The following CAMK1D variants were observed in gnomAD, a reference collection of about 807,000 sequenced individuals.
CAMK1D encodes calcium/calmodulin dependent protein kinase ID.
Under a neutral mutation model 47.7 loss-of-function variants are expected in CAMK1D, and 9 were observed. The observed-to-expected ratio is 0.19, with a 90% CI of 0.11 to 0.33. The LOEUF (loss-of-function observed/expected upper bound fraction) is 0.33. Among genes scored for constraint, CAMK1D ranks in the 10% least tolerant of loss-of-function variants. The pLI is 1.00. For missense variants in CAMK1D, 291 were observed against 488.7 expected (o/e 0.60, Z 3.81); for synonymous variants, 184 against 184.9 (o/e 0.99, Z 0.04).
chr10:12,465,820 A>G (rs1254480452), intron 1 of CAMK1D, among the ~76,000 whole-genome samples: 1 of 152,206 alleles, frequency 6.6e-6, no homozygotes, highest in Non-Finnish European at 1.5e-5. Context: ...ATGCAAAGTC[A>G]TCTCTTGAGT....
At chr10:12,578,611 C>G (rs1290005795) in intron 2 of CAMK1D, 1 of 147,482 alleles carries the variant, frequency 6.8e-6, no homozygotes, top group Non-Finnish European at 1.5e-5. Context: ...GATGTAGTCT[C>G]TCTAGTTTGC....
At chr10:12,441,551 A>T (rs1018543716) in intron 1 of CAMK1D, among the ~76,000 whole-genome samples, 31 of 150,640 alleles carry the variant, frequency 2.1e-4, no homozygotes, top group Non-Finnish European at 2.7e-4. Context: ...AAGTCCTCAC[A>T]CCTGTAATCC....
chr10:12,540,320 G>T (rs1202733288), intron 1 of CAMK1D, among the ~76,000 whole-genome samples: 2 of 152,070 alleles, frequency 1.3e-5, no homozygotes, highest in African/African-American at 4.8e-5. Flanking sequence ...GACTCACTTT[G>T]GTTCCATATC....
intron 1 of CAMK1D, among the ~76,000 whole-genome samples, chr10:12,473,668 C>T (rs1232802785): frequency 1.3e-4 from 20 of 152,174 alleles, no homozygotes; most frequent in Admixed American, 1.3e-3. Context: ...GGGGAGTCTA[C>T]ACTGGTGACT....
intron 1 of CAMK1D, among the ~76,000 whole-genome samples, chr10:12,378,310 A>G (rs945514399): frequency 2.0e-5 from 3 of 152,144 alleles, no homozygotes; most frequent in Non-Finnish European, 4.4e-5. Flanking sequence ...GAGGTGGTGC[A>G]ATCATAGCTC....
chr10:12,581,937 G>T (rs1265227641), intron 2 of CAMK1D, among the ~76,000 whole-genome samples: 1 of 152,084 alleles, frequency 6.6e-6, no homozygotes, highest in African/African-American at 2.4e-5. Flanking sequence ...ATTTGCTTTT[G>T]GGTTCTTGCT....
At chr10:12,760,305 CAAAGT>C (rs1346572322) in intron 3 of CAMK1D, among the ~76,000 whole-genome samples, 2 of 152,170 alleles carry the variant, frequency 1.3e-5, no homozygotes, top group African/African-American at 4.8e-5. Context: ...AAAACCAAAG[CAAAGT>C]AATGAAATAT....
chr10:12,448,995 A>G (rs929107117), intron 1 of CAMK1D, among the ~76,000 whole-genome samples: 3 of 152,152 alleles, frequency 2.0e-5, no homozygotes, highest in Non-Finnish European at 4.4e-5. Flanking sequence ...TCTTGTAAAC[A>G]CTTAGAATAG....
At chr10:12,712,297 C>T (rs1833966193) in intron 3 of CAMK1D, among the ~76,000 whole-genome samples, 1 of 152,196 alleles carries the variant, frequency 6.6e-6, no homozygotes, top group Admixed American at 6.5e-5. Context: ...CAGGATGCAG[C>T]CCTGTGTCTA....
chr10:12,654,480 A>G (rs1259379278), intron 2 of CAMK1D, among the ~76,000 whole-genome samples: 1 of 152,238 alleles, frequency 6.6e-6, no homozygotes, highest in Non-Finnish European at 1.5e-5. Context: ...ACAAAAAGTT[A>G]CCAAAAGATT....
At chr10:12,546,170 T>C (rs891579829) in intron 1 of CAMK1D, among the ~76,000 whole-genome samples, 7 of 152,076 alleles carry the variant, frequency 4.6e-5, no homozygotes, top group African/African-American at 1.7e-4. Context: ...GAAGAGTAAT[T>C]TCAGTAACAG....
At chr10:12,405,523 C>T (rs1038758329) in intron 1 of CAMK1D, among the ~76,000 whole-genome samples, 47 of 152,266 alleles carry the variant, frequency 3.1e-4, no homozygotes, top group African/African-American at 1.0e-3. Context: ...CATTACTAAG[C>T]GCCCGTCTTT....
At chr10:12,555,218 C>T (rs1263657119) in intron 2 of CAMK1D, among the ~76,000 whole-genome samples, 2 of 152,198 alleles carry the variant, frequency 1.3e-5, no homozygotes, top group Non-Finnish European at 2.9e-5. Context: ...CTCGCCCACT[C>T]CTCTCTTACT....
intron 1 of CAMK1D, among the ~76,000 whole-genome samples, chr10:12,488,348 G>A (rs1378817691): frequency 5.9e-5 from 9 of 152,092 alleles, no homozygotes; most frequent in Non-Finnish European, 1.3e-4. Context: ...CTTCTGCAGG[G>A]CACAAAATGA....
Position 12,807,950 on chromosome 10 carries a change from C to T in CAMK1D, c.642-6245C>T, listed in dbSNP as rs141502220. ...GGCTTCCTTCTACCTGCAAGATAGA[C>T]CACCCACCTTAGGGTGGGGAATACA... On this transcript the variant is annotated intron_variant, in intron 6 of 10. Transcript: ENST00000619168. 2.3e-3 allele frequency among the ~76,000 whole-genome samples: 345 copies of T among 152,354 alleles called. 2 individuals carry two copies. The highest frequency in any genetic ancestry group is 5.6e-3 in the Admixed American group (85 of 15,304).
intron 2 of CAMK1D, among the ~76,000 whole-genome samples, chr10:12,643,160 C>A (rs1010979231): frequency 1.3e-5 from 2 of 152,154 alleles, no homozygotes; most frequent in Non-Finnish European, 2.9e-5. Flanking sequence ...CCCCACCACA[C>A]CTGGCTAATT....
chr10:12,386,021 C>T (rs919974997), intron 1 of CAMK1D, among the ~76,000 whole-genome samples: 1 of 152,212 alleles, frequency 6.6e-6, no homozygotes, highest in Admixed American at 6.5e-5. Flanking sequence ...GCTGGGATTA[C>T]AGGCGTGAGC....
intron 2 of CAMK1D, among the ~76,000 whole-genome samples, chr10:12,560,780 A>C (rs1836915349): frequency 6.6e-6 from 1 of 152,096 alleles, no homozygotes; most frequent in African/African-American, 2.4e-5. Context: ...TGGAGAACAC[A>C]AGCAGGAAAT....
chr10:12,521,519 G>A (rs1008400873), intron 1 of CAMK1D, among the ~76,000 whole-genome samples: 11 of 152,106 alleles, frequency 7.2e-5, no homozygotes, highest in Non-Finnish European at 1.0e-4. Flanking sequence ...ATTTATATAT[G>A]TAGTATATCT....
Sources: gnomAD v4.1 joint callset for allele counts (sites outside exome capture counted in the v4.1 genomes callset) on GRCh38, gnomAD v4.1.1 for gene constraint, MANE v1.5 for transcripts, NCBI Gene and HGNC (gene_info 2026-07-23, HGNC 2026-07-21) for gene names.